Variants in SLC9A2 observed in about 807,000 individuals in gnomAD.
SLC9A2 encodes the protein sodium/hydrogen exchanger 2.
SLC9A2 carries 42 observed loss-of-function variants against 71.7 expected under a neutral mutation model. That is an observed-to-expected ratio of 0.59 (90% CI 0.46 to 0.76). SLC9A2 has a LOEUF of 0.76. Ranked by LOEUF, SLC9A2 falls within the 30% of genes least tolerant of loss-of-function variation. The probability of loss-of-function intolerance (pLI) is 0.00; values close to 1 mark genes in which losing one functional copy is unlikely to be tolerated. For synonymous variants in SLC9A2, 396 were observed against 392.5 expected (o/e 1.01, Z -0.10); for missense variants, 829 against 1,017.4 (o/e 0.81, Z 2.52).
intron 1 of SLC9A2, among the ~76,000 whole-genome samples, chr2:102,637,183 C>T (rs1197466150): frequency 2.0e-5 from 3 of 152,190 alleles, no homozygotes; most frequent in African/African-American, 7.2e-5. Flanking sequence ...CCTGCCGTTC[C>T]TCACAGGAAA....
chr2:102,624,628 A>G (rs540835957), intron 1 of SLC9A2, among the ~76,000 whole-genome samples: 1 of 152,264 alleles, frequency 6.6e-6, no homozygotes, highest in East Asian at 1.9e-4. Flanking sequence ...CCCCTAACAT[A>G]CCTTCCCATA....
rs1260876014 is a variant in SLC9A2 at position 102,620,639 on chromosome 2, A to G, written c.289+502A>G. ...GGACACCTGAGTGCTTGCAGCTGCA[A>G]TAGGAACGCCCTTTCTCCTCCCTCT... On this transcript the variant is annotated intron_variant, in intron 1 of 11. Transcript: ENST00000233969. Among the ~76,000 whole-genome samples the G allele has an allele frequency of 3.3e-5, 5 of 152,204 alleles. No homozygotes were observed. The East Asian group carries it at 5.8e-4, about 18-fold the overall frequency.
chr2:102,639,882 C>T (rs528722561), intron 1 of SLC9A2, among the ~76,000 whole-genome samples: 216 of 152,250 alleles, frequency 1.4e-3, no homozygotes, highest in African/African-American at 4.7e-3. Flanking sequence ...GAAATTGAGA[C>T]AAACATAGAA....
intron 7 of SLC9A2, among the ~76,000 whole-genome samples, chr2:102,698,320 G>A (rs1677806260): frequency 6.6e-6 from 1 of 152,196 alleles, no homozygotes; most frequent in South Asian, 2.1e-4. Flanking sequence ...CAACAAGAAT[G>A]TAGGTTAACA....
rs757625906 is a variant in SLC9A2 at position 102,620,064 on chromosome 2, G to T, written c.216G>T (p.Thr72=). The part of the protein sequence containing the change: ...LFEESRLPVF[T]LDYPHVQIPF... ...AGGAGAGCCGGCTGCCTGTGTTTAC[G>T]CTGGATTACCCCCACGTGCAGATCC... Residue 72 remains threonine (T), a synonymous_variant, in exon 1 of 12, where the codon ACG becomes ACT. Transcript: ENST00000233969. 6.2e-7 allele frequency: 1 copy of T among 1,613,950 alleles called. No homozygotes were observed. Among genetic ancestry groups the T allele is most frequent in the African/African-American group, 1.3e-5 (1 of 74,914 alleles).
intron 1 of SLC9A2, among the ~76,000 whole-genome samples, chr2:102,655,933 C>T (rs11691571): frequency 0.17 from 25,152 of 152,116 alleles, 2,501 homozygotes; most frequent in East Asian, 0.33. Flanking sequence ...TGTGAGAAGC[C>T]TCTGTTGTGA....
rs777819206 is a variant in SLC9A2, at chr2:102,657,882, C to T, written c.608C>T (p.Thr203Ile). Residue 203 changes from threonine to isoleucine, a missense_variant, in exon 2 of 12, where the codon ACT (threonine) becomes ATT (isoleucine). By Grantham distance (89) the Thr-to-Ile change is moderately conservative. Around this residue, in one of 3 missense-constraint regions of SLC9A2, gnomAD observed 500 missense variants for 726.3 expected, o/e 0.69. Transcript: ENST00000233969. Reference protein sequence around the residue: ...QIEAFGLSDITLLQNLLFGSL... With the variant: ...QIEAFGLSDIILLQNLLFGSL... ...GAAGCATTCGGCCTCAGCGACATCA[C>T]TTTGCTCCAGAACCTGCTCTTTGGC... The T allele has an allele frequency of 6.2e-7, 1 of 1,614,272 alleles. No individual in the cohort carries two copies.
At chr2:102,659,654 A>C (rs1015768794) in intron 2 of SLC9A2, among the ~76,000 whole-genome samples, 2 of 152,232 alleles carry the variant, frequency 1.3e-5, no homozygotes, top group African/African-American at 4.8e-5. Context: ...TACCTCACTT[A>C]AGTAACAAAA....
At chr2:102,654,646 A>G (rs775065075) in intron 1 of SLC9A2, among the ~76,000 whole-genome samples, 5 of 152,152 alleles carry the variant, frequency 3.3e-5, no homozygotes, top group Non-Finnish European at 5.9e-5. Flanking sequence ...GACTTATTCT[A>G]TCACTTTAAT....
Position 102,683,254 on chromosome 2 carries a change from C to T in SLC9A2, c.1005-7C>T. 2 of 1,598,148 alleles carry T rather than the reference C, an allele frequency of 1.3e-6. No homozygotes were observed. Among genetic ancestry groups the T allele is most frequent in the East Asian group, 2.2e-5 (1 of 44,798 alleles). ...GGTTTCAATAGAAGCTGAATCTTCC[C>T]TTTCAGAATCACTGCTTGTGCAATG... On this transcript the variant is annotated splice_region_variant and splice_polypyrimidine_tract_variant and intron_variant, in intron 3 of 11. Coordinates refer to ENST00000233969, the MANE Select transcript of SLC9A2 (RefSeq NM_003048.6).
rs903225734 is a variant in SLC9A2 at position 102,657,794 on chromosome 2, G to C, written c.520G>C (p.Val174Leu). Residue 174 changes from valine (V) to leucine (L), a missense_variant, in exon 2 of 12, where the codon GTG becomes CTG. Coordinates refer to ENST00000233969, the MANE Select transcript of SLC9A2 (RefSeq NM_003048.6). ...CATTGGCACGATTTTCTGGTATGCT[G>C]TGGTAGGGACACTTTGGAATTCCAT... Reference protein sequence around the residue: ...ENIGTIFWYAVVGTLWNSIGI... With the variant: ...ENIGTIFWYALVGTLWNSIGI... 6.2e-7 allele frequency: 1 copy of C among 1,614,214 alleles called. No homozygotes were observed. Among genetic ancestry groups the C allele is most frequent in the Non-Finnish European group, 8.5e-7 (1 of 1,180,040 alleles).
chr2:102,703,116 C>T (rs540187560), intron 9 of SLC9A2, among the ~76,000 whole-genome samples: 5 of 152,280 alleles, frequency 3.3e-5, no homozygotes, highest in African/African-American at 9.6e-5. Context: ...GTCAGGAGTC[C>T]TCCTTGCTCA....
intron 1 of SLC9A2, among the ~76,000 whole-genome samples, chr2:102,639,466 A>G (rs147221250): frequency 7.9e-5 from 12 of 152,332 alleles, no homozygotes; most frequent in African/African-American, 2.6e-4. Flanking sequence ...CAGGGGATCA[A>G]TCAGAATTTC....
At chr2:102,685,287 G>A (rs1446551881) in intron 5 of SLC9A2, among the ~76,000 whole-genome samples, 2 of 152,206 alleles carry the variant, frequency 1.3e-5, no homozygotes, top group Non-Finnish European at 2.9e-5. Context: ...GTGGAGTGTA[G>A]GAGAATGAGG....
Position 102,704,656 on chromosome 2 carries a change from G to A in SLC9A2, c.1958G>A (p.Ser653Asn). ...CGAGAAAGCATTAGGAAGGACAGCA[G>A]CTTGAATCGAGAACACAGGGTAACT... The part of the protein sequence containing the change: ...SLRESIRKDS[S>N]LNREHRASTS... Residue 653 changes from serine to asparagine, a missense_variant, in exon 10 of 12, where the codon AGC (serine) becomes AAC (asparagine). Ser to Asn is a conservative substitution (Grantham distance 46, BLOSUM62 1). Transcript: ENST00000233969. The A allele has an allele frequency of 1.2e-6, 2 of 1,612,646 alleles. No individual in the cohort carries two copies. Among genetic ancestry groups the A allele is most frequent in the Non-Finnish European group, 1.7e-6 (2 of 1,179,022 alleles).
intron 2 of SLC9A2, 142 bp from the exon 3 acceptor site, chr2:102,664,958 A>C (rs11123944): frequency 0.36 from 301,305 of 838,534 alleles, 57,192 homozygotes; most frequent in East Asian, 0.51. Context: ...GAGACAAATG[A>C]ATACACAATG....
At chr2:102,679,386 T>TTG (rs1677406364) in intron 3 of SLC9A2, among the ~76,000 whole-genome samples, 10 of 76,730 alleles carry the variant, frequency 1.3e-4, no homozygotes, top group African/African-American at 5.9e-4. Flanking sequence ...ATATATATAA[T>TTG]TTTTTTTTTT....
At chr2:102,689,665 T>C (rs940376589) in intron 5 of SLC9A2, 1 of 152,132 alleles carries the variant, frequency 6.6e-6, no homozygotes, top group Non-Finnish European at 1.5e-5. Flanking sequence ...AATCCTACAA[T>C]AAAACGAGCA....
rs1323952102 is a variant in SLC9A2 at position 102,709,047 on chromosome 2, C to G, written c.*558C>G. On this transcript the variant is annotated 3_prime_UTR_variant, in exon 12 of 12. Transcript: ENST00000233969. The stretch of plus-strand genomic sequence containing the variant: ...AGCTGGAAGCAGAGACACCTTATGA[C>G]TCAAACTGGGCAAACAATCGGAACG... 3 of 153,640 alleles carry G rather than the reference C, an allele frequency of 2.0e-5. No homozygotes were observed. The highest frequency in any genetic ancestry group is 4.3e-5 in the Non-Finnish European group (3 of 69,044). 9.5% of individuals were successfully genotyped at this position (153,640 alleles called of 1,614,324 possible). A position where few individuals can be genotyped will look rare whatever the true frequency, so the allele number is the denominator to read the frequency against.
Sources: gnomAD v4.1 joint callset for allele counts (sites outside exome capture counted in the v4.1 genomes callset) on GRCh38, gnomAD v4.1.1 for gene constraint, gnomAD v4.1.1 regional missense constraint, MANE v1.5 for transcripts, NCBI Gene and HGNC (gene_info 2026-07-23, HGNC 2026-07-21) for gene names.